The following PDE4D variants were observed in gnomAD, a reference collection of about 807,000 sequenced individuals.
PDE4D encodes phosphodiesterase 4D.
PDE4D carries 24 observed loss-of-function variants against 87.4 expected under a neutral mutation model. The ratio of observed to expected loss-of-function variants is 0.27; its 90% CI spans 0.20 to 0.39. The LOEUF (loss-of-function observed/expected upper bound fraction) is 0.39. Among genes scored for constraint, PDE4D ranks in the 10% least tolerant of loss-of-function variants. The pLI is 1.00. For synonymous variants in PDE4D, 384 were observed against 383.2 expected (o/e 1.00, Z -0.02); for missense variants, 714 against 1,041.0 (o/e 0.69, Z 4.32).
chr5:59,207,036 T>A (rs931712156), intron 2 of PDE4D, among the ~76,000 whole-genome samples: 1 of 151,842 alleles, frequency 6.6e-6, no homozygotes, highest in African/African-American at 2.4e-5. Flanking sequence ...TTAAAAAAAA[T>A]TAGCCGGGTG....
intron 2 of PDE4D, among the ~76,000 whole-genome samples, chr5:59,214,996 AAGAG>A (rs1429915538): frequency 6.6e-6 from 1 of 152,218 alleles, no homozygotes; most frequent in African/African-American, 2.4e-5. Context: ...TGTATAGACC[AAGAG>A]AGAAAGATGA....
At chr5:60,069,984 G>GTTGT (rs538896048) in intron 2 of PDE4D, among the ~76,000 whole-genome samples, 37 of 152,074 alleles carry the variant, frequency 2.4e-4, no homozygotes, top group African/African-American at 8.9e-4. Context: ...CAGATAGTTT[G>GTTGT]TTGTTAGTGT....
chr5:59,119,056 T>C (rs1318181856), intron 5 of PDE4D, among the ~76,000 whole-genome samples: 1 of 152,134 alleles, frequency 6.6e-6, no homozygotes, highest in African/African-American at 2.4e-5. Flanking sequence ...GTGGAGAAGA[T>C]GAAATTAAAA....
intron 2 of PDE4D, among the ~76,000 whole-genome samples, chr5:60,088,270 T>G (rs1480984627): frequency 2.0e-5 from 3 of 149,168 alleles, no homozygotes; most frequent in African/African-American, 7.4e-5. Flanking sequence ...TTCTTCAATC[T>G]GAAAAAAAAA....
intron 2 of PDE4D, among the ~76,000 whole-genome samples, chr5:59,214,079 A>C (rs997218111): frequency 8.1e-5 from 10 of 123,674 alleles, no homozygotes; most frequent in African/African-American, 2.8e-4. Flanking sequence ...CACACACACA[A>C]CCATTCTATA....
intron 1 of PDE4D, among the ~76,000 whole-genome samples, chr5:59,699,436 A>G (rs912493556): frequency 1.3e-5 from 2 of 152,178 alleles, no homozygotes; most frequent in African/African-American, 4.8e-5. Flanking sequence ...TGGATCCCCA[A>G]ATCATTTTTA....
chr5:59,561,508 A>T (rs1288740174), intron 1 of PDE4D, among the ~76,000 whole-genome samples: 2 of 152,166 alleles, frequency 1.3e-5, no homozygotes, highest in African/African-American at 4.8e-5. Flanking sequence ...TTGCTTATGG[A>T]TTTACTTATA....
intron 1 of PDE4D, among the ~76,000 whole-genome samples, chr5:59,836,450 T>C (rs1742046441): frequency 6.6e-6 from 1 of 152,058 alleles, no homozygotes; most frequent in Non-Finnish European, 1.5e-5. Context: ...TAATCTCTTC[T>C]ACCAAGAATG....
intron 1 of PDE4D, among the ~76,000 whole-genome samples, chr5:60,465,046 T>C (rs929798454): frequency 2.0e-5 from 3 of 152,064 alleles, no homozygotes; most frequent in Non-Finnish European, 4.4e-5. Context: ...GAGTTCAAGG[T>C]TGCAGTGAGT....
intron 6 of PDE4D, among the ~76,000 whole-genome samples, chr5:59,008,287 T>C (rs1056373813): frequency 1.3e-5 from 2 of 152,016 alleles, no homozygotes; most frequent in Non-Finnish European, 2.9e-5. Context: ...ATAATCATCA[T>C]AAAATAGTTA....
intron 1 of PDE4D, among the ~76,000 whole-genome samples, chr5:59,850,472 C>T (rs1197821029): frequency 6.6e-6 from 1 of 151,946 alleles, no homozygotes; most frequent in Admixed American, 6.6e-5. Flanking sequence ...GTGGCTGCCT[C>T]GATTTTAGGA....
At chr5:59,548,800 A>C (rs887631173) in intron 1 of PDE4D, among the ~76,000 whole-genome samples, 4 of 152,168 alleles carry the variant, frequency 2.6e-5, no homozygotes, top group African/African-American at 9.7e-5. Flanking sequence ...TCAGCTCTGC[A>C]GGGTGCATGG....
At chr5:60,021,672 C>T (rs1045568228) in intron 2 of PDE4D, 10 of 152,130 alleles carry the variant, frequency 6.6e-5, no homozygotes, top group African/African-American at 1.2e-4. Flanking sequence ...AGTCAATTAC[C>T]GGATGCTCTG....
chr5:59,552,331 C>T (rs571831271), intron 1 of PDE4D, among the ~76,000 whole-genome samples: 53 of 152,106 alleles, frequency 3.5e-4, no homozygotes, highest in Admixed American at 5.9e-4. Flanking sequence ...ATCTGAATTA[C>T]TGAATCATTT....
intron 1 of PDE4D, among the ~76,000 whole-genome samples, chr5:59,257,401 T>G (rs1179953991): frequency 6.6e-6 from 1 of 152,010 alleles, no homozygotes; most frequent in African/African-American, 2.4e-5. Context: ...GCTGTCATGC[T>G]CATCCCTACT....
Position 59,954,359 on chromosome 5 carries a change from A to G in PDE4D, c.272+34129T>C, listed in dbSNP as rs892524179. Among the ~76,000 whole-genome samples the G allele has an allele frequency of 3.3e-5, 5 of 152,236 alleles. No homozygotes were observed. In the East Asian group the frequency reaches 9.6e-4, roughly 29 times the overall value. ...TGAGAAGAACCAGGTATTTATTAAA[A>G]GAAGAGATTCTCCCAATAATTATCT... On this transcript the variant is annotated intron_variant, in intron 3 of 16. Coordinates refer to the PDE4D transcript ENST00000502484.
At chr5:59,848,721 T>A (rs1340498118) in intron 1 of PDE4D, among the ~76,000 whole-genome samples, 1 of 152,048 alleles carries the variant, frequency 6.6e-6, no homozygotes, top group Non-Finnish European at 1.5e-5. Flanking sequence ...ATAGGAAGTA[T>A]TTTTAAAAGA....
intron 2 of PDE4D, among the ~76,000 whole-genome samples, chr5:60,151,728 T>G (rs1264615424): frequency 6.6e-6 from 1 of 152,202 alleles, no homozygotes; most frequent in South Asian, 2.1e-4. Context: ...TTGGATGCCT[T>G]TGCTTCTTTT....
At chr5:59,394,982 G>T (rs897788866) in intron 1 of PDE4D, among the ~76,000 whole-genome samples, 1 of 152,092 alleles carries the variant, frequency 6.6e-6, no homozygotes, top group Non-Finnish European at 1.5e-5. Flanking sequence ...ATGGCACCTG[G>T]AGAATCGGGT....
Sources: allele counts gnomAD v4.1 joint callset (sites outside exome capture counted in the v4.1 genomes callset), GRCh38; gene constraint gnomAD v4.1.1; transcripts MANE v1.5; gene names NCBI Gene and HGNC (gene_info 2026-07-23, HGNC 2026-07-21).